Variants in DMD observed in about 807,000 individuals in gnomAD.
The protein encoded by DMD is mutant dystrophin.
A neutral mutation model predicts 330.1 loss-of-function variants in DMD; 63 were observed. The ratio of observed to expected loss-of-function variants is 0.19; its 90% CI spans 0.16 to 0.24. The LOEUF (loss-of-function observed/expected upper bound fraction) is 0.24. Ranked by LOEUF, DMD falls within the 10% of genes least tolerant of loss-of-function variation. The pLI is 1.00. For synonymous variants in DMD, 1,223 were observed against 959.8 expected, an observed-to-expected ratio of 1.27 and a Z score of -5.07; for missense variants, 3,344 against 2,684.1, an observed-to-expected ratio of 1.25 and a Z score of -5.43.
In DMD at chrX:33,330,473, A is replaced by C. The variant is rs1008418272; in HGVS notation, c.7+8786T>G. Reference sequence around the variant, plus strand: ...ATACATGAGTGAAACATTTTCAGGTAGCTTCTAATTAAAGAGTGTTAGACA... The same window carrying C: ...ATACATGAGTGAAACATTTTCAGGTCGCTTCTAATTAAAGAGTGTTAGACA... On this transcript the variant is annotated intron_variant, in intron 1 of 17. Coordinates refer to the DMD transcript ENST00000288447. 2.7e-5 allele frequency among the ~76,000 whole-genome samples: 3 copies of C among 111,790 alleles called. No homozygotes were observed. The Admixed American group carries it at 2.9e-4, about 11-fold the overall frequency.
chrX:32,631,700 CCA>C (rs2058741691), intron 11 of DMD, among the ~76,000 whole-genome samples: 1 of 110,551 alleles, frequency 9.0e-6, no homozygotes, highest in Admixed American at 9.6e-5. Flanking sequence ...TGGGAGGGTA[CCA>C]CACACTTTTA....
chrX:31,410,917 G>A (rs1266828993), intron 60 of DMD, among the ~76,000 whole-genome samples: 1 of 90,505 alleles, frequency 1.1e-5, no homozygotes, highest in African/African-American at 4.5e-5. Flanking sequence ...TTTTCTGTGT[G>A]TGTGTTTTTT....
At chrX:32,984,486 C>A (rs1394976245) in intron 2 of DMD, among the ~76,000 whole-genome samples, 1 of 111,622 alleles carries the variant, frequency 9.0e-6, no homozygotes, top group Non-Finnish European at 1.9e-5. Flanking sequence ...AACTCTTGAC[C>A]TCAGGTGATC....
At chrX:33,028,445 T>A (rs1166955873) in intron 1 of DMD, among the ~76,000 whole-genome samples, 1 of 111,996 alleles carries the variant, frequency 8.9e-6, no homozygotes, top group Non-Finnish European at 1.9e-5. Context: ...GCCTTCACAA[T>A]TTGACTCCAG....
chrX:32,398,208 T>C (rs1351856960), intron 30 of DMD, among the ~76,000 whole-genome samples: 1 of 110,022 alleles, frequency 9.1e-6, no homozygotes, highest in African/African-American at 3.3e-5. Context: ...TTTATAATAA[T>C]TCAACAAGTA....
At chrX:32,082,250 G>C (rs1261212214) in intron 44 of DMD, among the ~76,000 whole-genome samples, 2 of 111,009 alleles carry the variant, frequency 1.8e-5, no homozygotes, top group Non-Finnish European at 3.8e-5. Flanking sequence ...TTCGAGACAG[G>C]ATCTCACTCT....
intron 30 of DMD, among the ~76,000 whole-genome samples, chrX:32,402,550 C>T (rs1270844192): frequency 2.7e-5 from 3 of 111,267 alleles, no homozygotes; most frequent in Non-Finnish European, 5.7e-5. Flanking sequence ...CTTTTAAACA[C>T]AACTTTTATA....
chrX:31,741,922 G>A (rs2087378835), intron 51 of DMD, among the ~76,000 whole-genome samples: 1 of 111,835 alleles, frequency 8.9e-6, no homozygotes, highest in Non-Finnish European at 1.9e-5. Flanking sequence ...TATTAACTTA[G>A]ATGTTAGTTT....
At chrX:33,076,277 C>A (rs1328853810) in intron 1 of DMD, among the ~76,000 whole-genome samples, 1 of 111,680 alleles carries the variant, frequency 9.0e-6, no homozygotes, top group Non-Finnish European at 1.9e-5. Context: ...CTCAGGGAGA[C>A]TGATTTGAGT....
At chrX:32,766,445 T>C (rs2072992872) in intron 7 of DMD, among the ~76,000 whole-genome samples, 1 of 111,836 alleles carries the variant, frequency 8.9e-6, no homozygotes, top group Non-Finnish European at 1.9e-5. Flanking sequence ...AGTATTTTAC[T>C]CTTTTTGTTA....
chrX:32,418,863 CGCAGGAGGCTGAG>C, intron 29 of DMD, among the ~76,000 whole-genome samples: 1 of 105,196 alleles, frequency 9.5e-6, no homozygotes, highest in East Asian at 3.0e-4. Context: ...GTCCCAGCTA[CGCAGGAGGCTGAG>C]GCAGGAGAAT....
At chrX:32,287,456 T>C in intron 43 of DMD, 73 bp downstream of exon 43, 1 of 1,033,391 alleles carries the variant, frequency 9.7e-7, no homozygotes, top group Admixed American at 2.2e-5. Context: ...TGGAGGGTAC[T>C]GAAATAAATT....
intron 45 of DMD, among the ~76,000 whole-genome samples, chrX:31,938,917 C>T (rs1291660294): frequency 9.0e-6 from 1 of 111,419 alleles, no homozygotes; most frequent in Non-Finnish European, 1.9e-5. Context: ...AATTTATTTT[C>T]TCCCAGTGTG....
chrX:32,168,223 A>C (rs1009884616), intron 44 of DMD, among the ~76,000 whole-genome samples: 5 of 111,589 alleles, frequency 4.5e-5, no homozygotes, highest in Admixed American at 1.9e-4. Context: ...TTCCTGTGCA[A>C]GATGCCTAAC....
chrX:32,563,165 C>A (rs190724753), intron 16 of DMD, among the ~76,000 whole-genome samples: 43 of 108,732 alleles, frequency 4.0e-4, no homozygotes, highest in Non-Finnish European at 7.6e-4. Flanking sequence ...ATGGTGAAAC[C>A]CCATCTCTAC....
intron 20 of DMD, among the ~76,000 whole-genome samples, chrX:32,490,441 G>C (rs2042889606): frequency 9.0e-6 from 1 of 111,107 alleles, no homozygotes; most frequent in African/African-American, 3.3e-5. Context: ...TGCCCCTCCA[G>C]ATCCACTGTC....
chrX:32,201,806 C>G (rs2097040504), intron 44 of DMD, among the ~76,000 whole-genome samples: 2 of 110,739 alleles, frequency 1.8e-5, no homozygotes, highest in Admixed American at 9.7e-5. Context: ...AAGTCATTCG[C>G]TTATCTGTTT....
At chrX:33,066,775 G>A (rs2094668955) in intron 1 of DMD, among the ~76,000 whole-genome samples, 1 of 111,447 alleles carries the variant, frequency 9.0e-6, no homozygotes, top group Non-Finnish European at 1.9e-5. Context: ...GTTTTTCCAG[G>A]TTTTCATGAT....
chrX:32,373,129 G>A (rs886230907), intron 34 of DMD, among the ~76,000 whole-genome samples: 8 of 110,029 alleles, frequency 7.3e-5, no homozygotes, highest in Non-Finnish European at 1.5e-4. Flanking sequence ...CTTAAATTGT[G>A]TCACGCACCA....
Sources: gnomAD v4.1 joint callset for allele counts (sites outside exome capture counted in the v4.1 genomes callset) on GRCh38, gnomAD v4.1.1 for gene constraint, MANE v1.5 for transcripts, NCBI Gene and HGNC (gene_info 2026-07-23, HGNC 2026-07-21) for gene names.